Variants in ASTN2 observed in about 807,000 individuals in gnomAD.
The protein encoded by ASTN2 is astrotactin-2.
Under a neutral mutation model 139.8 loss-of-function variants are expected in ASTN2, and 54 were observed. The observed-to-expected ratio is 0.39, with a 90% CI of 0.31 to 0.48. ASTN2 has a LOEUF of 0.48. Ranked by LOEUF, ASTN2 falls within the 20% of genes least tolerant of loss-of-function variation. ASTN2 has a pLI of 0.95. For synonymous variants in ASTN2, 756 were observed against 719.5 expected (o/e 1.05, Z -0.81); for missense variants, 1,565 against 1,725.1 (o/e 0.91, Z 1.64).
chr9:117,192,391 G>GAAAAAA (rs56332042), intron 3 of ASTN2, among the ~76,000 whole-genome samples: 8 of 149,526 alleles, frequency 5.4e-5, no homozygotes, highest in Admixed American at 6.7e-5. Flanking sequence ...CAGTGGCAAA[G>GAAAAAA]AAAAAAAAGA....
intron 13 of ASTN2, among the ~76,000 whole-genome samples, chr9:116,796,385 G>T (rs1361594876): frequency 2.0e-5 from 3 of 152,138 alleles, no homozygotes; most frequent in African/African-American, 7.2e-5. Flanking sequence ...AAAATGGTGG[G>T]TCTTGGTGCA....
intron 19 of ASTN2, among the ~76,000 whole-genome samples, chr9:116,559,006 A>C (rs1852774044): frequency 6.6e-6 from 1 of 152,204 alleles, no homozygotes; most frequent in African/African-American, 2.4e-5. Flanking sequence ...AAAACATGCA[A>C]CAGATTGTTG....
intron 13 of ASTN2, among the ~76,000 whole-genome samples, chr9:116,746,966 G>A (rs1829254520): frequency 1.3e-5 from 2 of 152,180 alleles, no homozygotes. Flanking sequence ...GAATGGCAAT[G>A]TAGGGGAGAC....
At chr9:117,104,546 T>G (rs1829057878) in intron 4 of ASTN2, among the ~76,000 whole-genome samples, 1 of 152,236 alleles carries the variant, frequency 6.6e-6, no homozygotes, top group Non-Finnish European at 1.5e-5. Context: ...AACAAAGTTT[T>G]AAGAAGCATA....
Position 116,637,585 on chromosome 9 carries a change from T to G in ASTN2, c.3072+13943A>C, listed in dbSNP as rs117467045. 4.2e-3 allele frequency among the ~76,000 whole-genome samples: 633 copies of G among 152,290 alleles called. 4 individuals carry two copies. The highest frequency in any genetic ancestry group is 7.6e-3 in the Non-Finnish European group (514 of 68,024). ...TAGCTAAAACCTGCTCAGTACAGTG[T>G]TGATAAACAGAATTAGAAACTACAA... is the stretch of plus-strand genomic sequence containing the variant. On this transcript the variant is annotated intron_variant, in intron 17 of 22. Coordinates refer to ENST00000313400, the MANE Select transcript of ASTN2 (RefSeq NM_001365068.1).
chr9:117,166,770 A>T (rs1830679401), intron 3 of ASTN2, among the ~76,000 whole-genome samples: 2 of 152,020 alleles, frequency 1.3e-5, no homozygotes, highest in South Asian at 4.1e-4. Flanking sequence ...TACTCTTATT[A>T]TTCAGTATCT....
intron 11 of ASTN2, among the ~76,000 whole-genome samples, chr9:116,828,490 A>G (rs544110365): frequency 1.3e-5 from 2 of 152,042 alleles, no homozygotes; most frequent in Admixed American, 1.3e-4. Context: ...ATAGATACAG[A>G]AAAAAAAGCA....
chr9:116,626,591 C>T (rs1856475095), intron 17 of ASTN2, among the ~76,000 whole-genome samples: 1 of 151,798 alleles, frequency 6.6e-6, no homozygotes, highest in Non-Finnish European at 1.5e-5. Flanking sequence ...GAGGTAGAGT[C>T]CCTTTTGGAG....
Position 117,214,397 on chromosome 9 carries a change from C to A in ASTN2, c.976G>T (p.Gly326Ter). ...SQVTHTLDSL[G>*]HPGEEKVDFE... ...TCCACCTTCTCTTCCCCTGGATGTC[C>A]CAGACTGTCCAGAGTGTGGGTCACC... is the stretch of plus-strand genomic sequence containing the variant. The change falls in exon 3 of 23, where the codon GGA becomes TGA. Residue 326 changes from glycine (G) to a stop codon, truncating the protein, a stop_gained. Coordinates refer to ENST00000313400, the MANE Select transcript of ASTN2 (RefSeq NM_001365068.1). LOFTEE classifies it high-confidence loss of function. The A allele has an allele frequency of 6.2e-7, 1 of 1,611,046 alleles. No homozygotes were observed. Among genetic ancestry groups the A allele is most frequent in the Non-Finnish European group, 8.5e-7 (1 of 1,177,568 alleles).
intron 10 of ASTN2, among the ~76,000 whole-genome samples, chr9:116,870,369 A>G (rs564526955): frequency 1.2e-4 from 19 of 152,280 alleles, no homozygotes; most frequent in Non-Finnish European, 1.3e-4. Flanking sequence ...ATATAATAAC[A>G]TGATATAGAA....
chr9:116,907,728 T>C (rs1834200662), intron 10 of ASTN2, among the ~76,000 whole-genome samples: 1 of 151,890 alleles, frequency 6.6e-6, no homozygotes, highest in Non-Finnish European at 1.5e-5. Context: ...GAAAACAAAA[T>C]GTGGTGGAGG....
chr9:117,351,665 T>G lies in ASTN2; in HGVS notation c.443-60152A>C, dbSNP rs543419128. Among the ~76,000 whole-genome samples the G allele has an allele frequency of 5.9e-5, 9 of 152,332 alleles. No homozygotes were observed. In the South Asian group the frequency reaches 1.0e-3, roughly 18 times the overall value. On this transcript the variant is annotated intron_variant, in intron 1 of 22. Transcript: ENST00000313400. Reference sequence around the variant, plus strand: ...TGGCCAATCATAACCTTTTGGTTAATGAGTTATGAGGTGGAATCTTTGGAG... The same window carrying G: ...TGGCCAATCATAACCTTTTGGTTAAGGAGTTATGAGGTGGAATCTTTGGAG...
At chr9:117,374,696 G>T (rs1057413270) in intron 1 of ASTN2, among the ~76,000 whole-genome samples, 1 of 152,192 alleles carries the variant, frequency 6.6e-6, no homozygotes, top group East Asian at 1.9e-4. Flanking sequence ...AATGCAGCAG[G>T]ACTGGGAGAG....
chr9:116,759,171 T>C (rs1829610472), intron 13 of ASTN2, among the ~76,000 whole-genome samples: 2 of 152,266 alleles, frequency 1.3e-5, no homozygotes, highest in Admixed American at 6.5e-5. Flanking sequence ...TGAGCCACCA[T>C]GGTTGGCCCA....
At chr9:116,833,010 C>CCTGGA (rs1831866561) in intron 11 of ASTN2, among the ~76,000 whole-genome samples, 1 of 130,534 alleles carries the variant, frequency 7.7e-6, no homozygotes, top group Non-Finnish European at 1.6e-5. Context: ...GTATATTTCT[C>CCTGGA]CAGTGAAACT....
At chr9:116,976,643 C>T (rs1836348049) in intron 8 of ASTN2, 58 bp downstream of exon 8, 49 of 1,478,394 alleles carry the variant, frequency 3.3e-5, no homozygotes, top group Non-Finnish European at 4.6e-5. Context: ...GGTAACAGAA[C>T]AGAGGAGGTA....
At chr9:116,874,153 C>T (rs768491162) in intron 10 of ASTN2, among the ~76,000 whole-genome samples, 1 of 152,170 alleles carries the variant, frequency 6.6e-6, no homozygotes, top group African/African-American at 2.4e-5. Context: ...TATCTGACTT[C>T]GGACTCTTTA....
At chr9:117,363,456 A>G (rs922769811) in intron 1 of ASTN2, among the ~76,000 whole-genome samples, 2 of 152,212 alleles carry the variant, frequency 1.3e-5, no homozygotes, top group Non-Finnish European at 2.9e-5. Flanking sequence ...CAGCATCTTT[A>G]TGGTGGAAGG....
intron 17 of ASTN2, among the ~76,000 whole-genome samples, chr9:116,621,767 A>G (rs1183332179): frequency 6.6e-6 from 1 of 152,234 alleles, no homozygotes; most frequent in African/African-American, 2.4e-5. Flanking sequence ...ACATTGAAAA[A>G]TAGATCATTA....
Sources: gnomAD v4.1 joint callset for allele counts (sites outside exome capture counted in the v4.1 genomes callset) on GRCh38, gnomAD v4.1.1 for gene constraint, MANE v1.5 for transcripts, NCBI Gene and HGNC (gene_info 2026-07-23, HGNC 2026-07-21) for gene names.